LIMCH1: variants seen among roughly 807,000 people sequenced by gnomAD.
The protein encoded by LIMCH1 is LIM and calponin homology domains 1.
A neutral mutation model predicts 176.5 loss-of-function variants in LIMCH1; 113 were observed. That is an observed-to-expected ratio of 0.64 (90% CI 0.55 to 0.75). The LOEUF is 0.75. Ranked by LOEUF, LIMCH1 falls within the 30% of genes least tolerant of loss-of-function variation. LIMCH1 has a pLI of 0.00. For missense variants in LIMCH1, 1,674 were observed against 1,814.9 expected, an observed-to-expected ratio of 0.92 and a Z score of 1.41; for synonymous variants, 619 against 645.9, an observed-to-expected ratio of 0.96 and a Z score of 0.63.
chr4:41,450,935 A>T (rs2154146612), intron 1 of LIMCH1, among the ~76,000 whole-genome samples: 1 of 151,638 alleles, frequency 6.6e-6, no homozygotes, highest in South Asian at 2.1e-4. Context: ...CTTTGTGTAT[A>T]TGGGTCATCA....
intron 1 of LIMCH1, among the ~76,000 whole-genome samples, chr4:41,370,935 C>T (rs1362134664): frequency 6.6e-6 from 1 of 152,142 alleles, no homozygotes. Flanking sequence ...AAGTGATATG[C>T]TTGAAGCCAC....
intron 4 of LIMCH1, among the ~76,000 whole-genome samples, chr4:41,607,188 A>G (rs1463020521): frequency 1.3e-5 from 2 of 152,208 alleles, no homozygotes; most frequent in African/African-American, 2.4e-5. Flanking sequence ...AAATAAATGA[A>G]CTAGAAACAT....
intron 1 of LIMCH1, among the ~76,000 whole-genome samples, chr4:41,580,205 C>T (rs2085184652): frequency 6.6e-6 from 1 of 152,002 alleles, no homozygotes; most frequent in African/African-American, 2.4e-5. Context: ...AGATCATGGT[C>T]AGTGTATAAA....
chr4:41,686,219 A>G (rs1471317058), intron 28 of LIMCH1, among the ~76,000 whole-genome samples: 1 of 152,168 alleles, frequency 6.6e-6, no homozygotes, highest in Non-Finnish European at 1.5e-5. Context: ...TAATTACCTG[A>G]GCTGTAATTT....
At chr4:41,524,232 T>C (rs548116711) in intron 2 of LIMCH1, among the ~76,000 whole-genome samples, 1 of 152,364 alleles carries the variant, frequency 6.6e-6, no homozygotes, top group East Asian at 1.9e-4. Flanking sequence ...ACCAACTTGA[T>C]GTTGGCAAAG....
At chr4:41,486,049 G>T (rs1363872141) in intron 1 of LIMCH1, among the ~76,000 whole-genome samples, 2 of 152,212 alleles carry the variant, frequency 1.3e-5, no homozygotes, top group Non-Finnish European at 2.9e-5. Context: ...CAGCTGCAAA[G>T]ATAGAGCTGT....
chr4:41,405,005 C>G (rs2058819333), intron 1 of LIMCH1, among the ~76,000 whole-genome samples: 1 of 151,988 alleles, frequency 6.6e-6, no homozygotes, highest in South Asian at 2.1e-4. Context: ...TTCTTTAACC[C>G]ATTTTTTCTG....
At chr4:41,638,998 T>G (rs937947941) in intron 14 of LIMCH1, 31 bp downstream of exon 14, 1 of 1,531,460 alleles carries the variant, frequency 6.5e-7, no homozygotes, top group Non-Finnish European at 8.8e-7. Context: ...AGGATTACAT[T>G]AATTACTAGC....
intron 5 of LIMCH1, among the ~76,000 whole-genome samples, chr4:41,614,935 C>G (rs889322678): frequency 6.6e-6 from 1 of 152,200 alleles, no homozygotes; most frequent in African/African-American, 2.4e-5. Flanking sequence ...ATGTTTTATT[C>G]TGGAATGGCT....
chr4:41,650,689 G>T, intron 18 of LIMCH1, 81 bp downstream of exon 18: 13 of 1,148,532 alleles, frequency 1.1e-5, no homozygotes, highest in South Asian at 1.5e-5. Context: ...AGTAGGTCAT[G>T]ATAATGACCA....
chr4:41,476,003 G>C (rs959039517), intron 1 of LIMCH1, among the ~76,000 whole-genome samples: 1 of 152,120 alleles, frequency 6.6e-6, no homozygotes, highest in African/African-American at 2.4e-5. Flanking sequence ...ACAAGGTCTT[G>C]CTCTGTCGCC....
chr4:41,675,256 C>A (rs887834079), intron 22 of LIMCH1, among the ~76,000 whole-genome samples: 4 of 151,240 alleles, frequency 2.6e-5, no homozygotes, highest in African/African-American at 9.7e-5. Flanking sequence ...CCGCCATGCA[C>A]CTGAATGGTA....
intron 12 of LIMCH1, 69 bp downstream of exon 12, chr4:41,633,154 A>G: frequency 1.8e-6 from 2 of 1,129,696 alleles, no homozygotes; most frequent in Non-Finnish European, 2.5e-6. Flanking sequence ...CGTGTTCCCA[A>G]AAAAACAGCT....
chr4:41,616,759 T>A (rs991063665), intron 5 of LIMCH1, among the ~76,000 whole-genome samples: 1 of 152,044 alleles, frequency 6.6e-6, no homozygotes, highest in Non-Finnish European at 1.5e-5. Flanking sequence ...CTCATTTAAT[T>A]CTTGCGACAA....
chr4:41,413,427 T>A (rs987187640), intron 1 of LIMCH1, among the ~76,000 whole-genome samples: 2 of 151,916 alleles, frequency 1.3e-5, no homozygotes, highest in Non-Finnish European at 2.9e-5. Flanking sequence ...ACCCCTGGGC[T>A]CAAGCGATCC....
intron 20 of LIMCH1, among the ~76,000 whole-genome samples, chr4:41,665,297 A>G (rs2094784518): frequency 6.6e-6 from 1 of 152,162 alleles, no homozygotes; most frequent in Admixed American, 6.5e-5. Context: ...GGCATTACTG[A>G]AACATGTTTT....
intron 1 of LIMCH1, among the ~76,000 whole-genome samples, chr4:41,430,113 A>G (rs1357273953): frequency 1.3e-5 from 2 of 152,218 alleles, no homozygotes; most frequent in Non-Finnish European, 2.9e-5. Context: ...GTCAAATACC[A>G]TAATAGAGTC....
intron 1 of LIMCH1, among the ~76,000 whole-genome samples, chr4:41,425,353 T>C (rs2060979604): frequency 6.6e-6 from 1 of 152,110 alleles, no homozygotes; most frequent in South Asian, 2.1e-4. Flanking sequence ...CTCAGGCAGT[T>C]TTTCTTTTTT....
intron 24 of LIMCH1, 24 bp from the exon 25 acceptor site, chr4:41,680,931 A>G (rs374797488): frequency 2.3e-6 from 3 of 1,298,498 alleles, no homozygotes; most frequent in African/African-American, 3.0e-5. Flanking sequence ...CCCCCCTTTC[A>G]TCGATTCCTG....
Sources: gnomAD v4.1 joint callset for allele counts (sites outside exome capture counted in the v4.1 genomes callset) on GRCh38, gnomAD v4.1.1 for gene constraint, MANE v1.5 for transcripts, NCBI Gene and HGNC (gene_info 2026-07-23, HGNC 2026-07-21) for gene names.